Variants in PABPC4L observed in about 807,000 individuals in gnomAD.
PABPC4L encodes the protein poly(A) binding protein cytoplasmic 4 like.
For missense variants in PABPC4L, 452 were observed against 451.4 expected (o/e 1.00, Z -0.01); for synonymous variants, 169 against 164.1 (o/e 1.03, Z -0.23).
the PABPC4L span, among the ~76,000 whole-genome samples, chr4:134,051,000 G>T: frequency 3.4e-5 from 5 of 147,824 alleles, no homozygotes; most frequent in Admixed American, 3.4e-4. Context: ...TTAAAATATT[G>T]TTCTATTGCA....
chr4:134,012,768 G>A, the PABPC4L span, among the ~76,000 whole-genome samples: 4 of 152,052 alleles, frequency 2.6e-5, no homozygotes, highest in Admixed American at 6.6e-5. Flanking sequence ...TTTCAAATCC[G>A]GTAAGCGGCC....
chr4:134,000,853 C>A, the PABPC4L span, among the ~76,000 whole-genome samples: 2 of 152,090 alleles, frequency 1.3e-5, no homozygotes, highest in African/African-American at 4.8e-5. Flanking sequence ...CATACACCAT[C>A]AGCAATCTGG....
the PABPC4L span, among the ~76,000 whole-genome samples, chr4:134,146,739 AG>A: frequency 3.3e-5 from 5 of 152,092 alleles, no homozygotes; most frequent in Non-Finnish European, 7.4e-5. Context: ...TTATGGGCTT[AG>A]AATAAGGCAG....
At chr4:133,978,569 G>GTGTGTGTT in the PABPC4L span, among the ~76,000 whole-genome samples, 2 of 152,050 alleles carry the variant, frequency 1.3e-5, no homozygotes, top group Non-Finnish European at 2.9e-5. Flanking sequence ...GTGTGTGTGT[G>GTGTGTGTT]TGTGTGTTGT....
chr4:134,196,158 A>C (rs1470546755), downstream of PABPC4L, among the ~76,000 whole-genome samples: 2 of 151,488 alleles, frequency 1.3e-5, no homozygotes, highest in African/African-American at 4.8e-5. Flanking sequence ...CTGTGAGTTC[A>C]TAATTATGAG....
the PABPC4L span, among the ~76,000 whole-genome samples, chr4:134,051,040 A>G: frequency 6.6e-6 from 1 of 152,156 alleles, no homozygotes; most frequent in Admixed American, 6.6e-5. Flanking sequence ...CTTCTAGGTA[A>G]CAAAATTAAG....
the PABPC4L span, among the ~76,000 whole-genome samples, chr4:134,159,107 A>G: frequency 2.0e-5 from 3 of 152,166 alleles, no homozygotes; most frequent in African/African-American, 7.2e-5. Flanking sequence ...ACTGTGGGCA[A>G]CTCAGTGAGT....
the PABPC4L span, among the ~76,000 whole-genome samples, chr4:133,995,862 C>T: frequency 6.6e-6 from 1 of 152,234 alleles, no homozygotes. Context: ...CTGACCAGTC[C>T]CATGTGGGTA....
chr4:134,156,767 A>G, the PABPC4L span, among the ~76,000 whole-genome samples: 1 of 151,854 alleles, frequency 6.6e-6, no homozygotes, highest in Non-Finnish European at 1.5e-5. Flanking sequence ...TTGTTATCCC[A>G]TAACACAACT....
the PABPC4L span, among the ~76,000 whole-genome samples, chr4:134,135,222 C>T: frequency 6.6e-6 from 1 of 151,910 alleles, no homozygotes; most frequent in Non-Finnish European, 1.5e-5. Flanking sequence ...TGATTTTTTT[C>T]TGTTCATGAT....
the PABPC4L span, among the ~76,000 whole-genome samples, chr4:134,089,583 T>C: frequency 2.0e-5 from 3 of 152,250 alleles, no homozygotes; most frequent in African/African-American, 7.2e-5. Flanking sequence ...TATTTATAAA[T>C]CAAACTTTAT....
At chr4:134,189,360 C>T in the PABPC4L span, among the ~76,000 whole-genome samples, 3 of 151,480 alleles carry the variant, frequency 2.0e-5, no homozygotes, top group African/African-American at 7.3e-5. Context: ...GCTTTGTTGA[C>T]AAGCAGGTAT....
At chr4:133,979,114 T>C in the PABPC4L span, among the ~76,000 whole-genome samples, 1 of 152,140 alleles carries the variant, frequency 6.6e-6, no homozygotes, top group South Asian at 2.1e-4. Flanking sequence ...GTGGGAAAAA[T>C]TGATATCGAA....
At chr4:134,142,881 T>G in the PABPC4L span, among the ~76,000 whole-genome samples, 1 of 151,606 alleles carries the variant, frequency 6.6e-6, no homozygotes, top group African/African-American at 2.4e-5. Context: ...GCTTTTGCAA[T>G]AGCACTTAAC....
the PABPC4L span, among the ~76,000 whole-genome samples, chr4:133,974,774 A>G: frequency 6.6e-6 from 1 of 152,222 alleles, no homozygotes; most frequent in Admixed American, 6.5e-5. Flanking sequence ...AATATGCTTA[A>G]GAAAATGAAA....
the PABPC4L span, among the ~76,000 whole-genome samples, chr4:134,093,571 C>CTTTTTT: frequency 6.9e-6 from 1 of 144,086 alleles, no homozygotes. Context: ...TTTTCTTTCT[C>CTTTTTT]TTTTTTTTTT....
the PABPC4L span, among the ~76,000 whole-genome samples, chr4:134,139,007 A>C: frequency 6.6e-6 from 1 of 151,906 alleles, no homozygotes; most frequent in African/African-American, 2.4e-5. Context: ...TGTCAAGCCT[A>C]TTTCATTTAC....
At chr4:133,977,943 G>C in the PABPC4L span, 5 of 151,994 alleles carry the variant, frequency 3.3e-5, no homozygotes, top group African/African-American at 1.2e-4. Flanking sequence ...ATTATTTTTG[G>C]GTAGAAAGGC....
the PABPC4L span, among the ~76,000 whole-genome samples, chr4:134,181,636 C>T: frequency 1.3e-5 from 2 of 151,822 alleles, no homozygotes; most frequent in Non-Finnish European, 2.9e-5. Flanking sequence ...AGTCTCTGCC[C>T]CAAAGCTCCT....
Sources: allele counts gnomAD v4.1 joint callset (sites outside exome capture counted in the v4.1 genomes callset), GRCh38; gene constraint gnomAD v4.1.1; transcripts MANE v1.5; gene names NCBI Gene and HGNC (gene_info 2026-07-23, HGNC 2026-07-21).